PNPLA8: variants seen among roughly 807,000 people sequenced by gnomAD.
PNPLA8 encodes patatin like domain 8, phospholipase A2, also known as calcium-independent phospholipase A2-gamma.
In PNPLA8, 39 loss-of-function variants were observed where a neutral mutation model predicts 76.9. The observed-to-expected ratio is 0.51, with a 90% CI of 0.39 to 0.66. PNPLA8 has a LOEUF of 0.66. PNPLA8 is among the 30% of genes least tolerant of loss of function. The probability of loss-of-function intolerance (pLI) is 0.00; values close to 1 mark genes in which losing one functional copy is unlikely to be tolerated. For missense variants in PNPLA8, 887 were observed against 918.0 expected (o/e 0.97, Z 0.44); for synonymous variants, 301 against 307.9 (o/e 0.98, Z 0.24).
chr7:108,502,568 A>C lies in PNPLA8; in HGVS notation c.1281T>G (p.Ile427Met). Residue 427 changes from isoleucine (I) to methionine (M), a missense_variant, in exon 5 of 11, where the codon ATT becomes ATG. Ile to Met is a conservative substitution (Grantham distance 10). Transcript: ENST00000257694. ...GATCCACATAGCCAATTAGGGCCAAAATTTCTCTAACTGCAGCCTGAAGAG... is the reference window on the plus strand; with the variant it reads ...GATCCACATAGCCAATTAGGGCCAACATTTCTCTAACTGCAGCCTGAAGAG... ...DETLQAAVRE[I>M]LALIGYVDPV... is the part of the protein sequence containing the mutation. 6.2e-7 allele frequency: 1 copy of C among 1,612,930 alleles called. No individual in the cohort carries two copies. Among genetic ancestry groups the C allele is most frequent in the Non-Finnish European group, 8.5e-7 (1 of 1,179,058 alleles).
At chr7:108,495,649 C>A (rs1423708717) in intron 7 of PNPLA8, among the ~76,000 whole-genome samples, 1 of 152,010 alleles carries the variant, frequency 6.6e-6, no homozygotes, top group Non-Finnish European at 1.5e-5. Flanking sequence ...TATATAGTGA[C>A]CTACTAATAT....
chr7:108,518,815 T>G (rs1332764042), intron 2 of PNPLA8, among the ~76,000 whole-genome samples: 1 of 147,878 alleles, frequency 6.8e-6, no homozygotes, highest in Non-Finnish European at 1.5e-5. Flanking sequence ...ACATATGCAG[T>G]TGAAATCTTA....
At chr7:108,506,944 T>C (rs1343602258) in intron 4 of PNPLA8, among the ~76,000 whole-genome samples, 4 of 152,146 alleles carry the variant, frequency 2.6e-5, no homozygotes, top group Admixed American at 6.5e-5. Context: ...TCTCTATATA[T>C]AATATTTTTA....
At position 108,514,864 on chromosome 7, in the gene PNPLA8, G is replaced by T; in HGVS notation, c.628C>A (p.His210Asn). The change falls in exon 3 of 11, where the codon CAT becomes AAT. Residue 210 changes from histidine (H) to asparagine (N), a missense_variant. By Grantham distance (68) the His-to-Asn change is moderately conservative. Transcript: ENST00000257694. ...TTACGTTTGAAATATGAATTAATAT[G>T]ATTTGATAAAAAGTAGAATGAGTCT... is the stretch of plus-strand genomic sequence containing the variant. Reference protein sequence around the residue: ...FGDSFYFLSNHINSYFKRKEK... With the variant: ...FGDSFYFLSNNINSYFKRKEK... 1 of 1,609,092 alleles carries T rather than the reference G, an allele frequency of 6.2e-7. No individual in the cohort carries two copies. The highest frequency in any genetic ancestry group is 8.5e-7 in the Non-Finnish European group (1 of 1,176,516).
chr7:108,506,382 A>C (rs1255531681), intron 4 of PNPLA8, among the ~76,000 whole-genome samples: 1 of 152,128 alleles, frequency 6.6e-6, no homozygotes, highest in Non-Finnish European at 1.5e-5. Context: ...AGTCTCAAAA[A>C]AAAAATTACA....
At chr7:108,497,977 A>C (rs1861665069) in intron 5 of PNPLA8, among the ~76,000 whole-genome samples, 1 of 149,692 alleles carries the variant, frequency 6.7e-6, no homozygotes, top group South Asian at 2.1e-4. Flanking sequence ...CAGCTGAACA[A>C]TATAGCGAGA....
chr7:108,516,717 A>G (rs530793696), intron 2 of PNPLA8, among the ~76,000 whole-genome samples: 14 of 152,192 alleles, frequency 9.2e-5, no homozygotes, highest in Non-Finnish European at 2.1e-4. Flanking sequence ...CCTGGTCGGC[A>G]TGGTGAAACC....
rs140428848 is a variant in PNPLA8 at position 108,495,899 on chromosome 7, C to T, written c.1625+685G>A. The stretch of plus-strand genomic sequence containing the variant: ...CAACTACAATCTAATATCAGCTATA[C>T]AAAATGTATAAGGTCTAATAAACTA... On this transcript the variant is annotated intron_variant, in intron 7 of 10. Coordinates refer to ENST00000257694, the MANE Select transcript of PNPLA8 (RefSeq NM_001256007.3). 6.8e-4 allele frequency among the ~76,000 whole-genome samples: 103 copies of T among 152,206 alleles called. 2 individuals are homozygous for T. Among genetic ancestry groups the T allele is most frequent in the African/African-American group, 2.3e-3 (97 of 41,544 alleles).
intron 1 of PNPLA8, among the ~76,000 whole-genome samples, chr7:108,523,261 T>C (rs1045973574): frequency 3.3e-5 from 5 of 152,138 alleles, no homozygotes; most frequent in African/African-American, 9.7e-5. Context: ...ACTTAATTAT[T>C]AATATAACAG....
At chr7:108,487,627 T>A (rs778848075) in intron 9 of PNPLA8, 132 bp downstream of exon 9, 32 of 484,578 alleles carry the variant, frequency 6.6e-5, no homozygotes, top group Non-Finnish European at 1.1e-4. Context: ...AAATTGTTCT[T>A]CTTTTGAGAT....
intron 9 of PNPLA8, among the ~76,000 whole-genome samples, chr7:108,480,157 G>C (rs866057496): frequency 1.3e-5 from 2 of 152,012 alleles, no homozygotes; most frequent in African/African-American, 4.8e-5. Flanking sequence ...GCTTGAGTCC[G>C]AGAGTTCAAG....
intron 4 of PNPLA8, 59 bp from the exon 5 acceptor site, chr7:108,502,701 A>G: frequency 7.8e-7 from 1 of 1,284,138 alleles, no homozygotes; most frequent in Non-Finnish European, 1.1e-6. Context: ...AAAATGTATG[A>G]TTATTATTAA....
At chr7:108,475,182 G>T (rs1217569416) in intron 10 of PNPLA8, among the ~76,000 whole-genome samples, 1 of 152,128 alleles carries the variant, frequency 6.6e-6, no homozygotes, top group Non-Finnish European at 1.5e-5. Flanking sequence ...AGACCATCTA[G>T]TTGGAGGAAA....
intron 1 of PNPLA8, among the ~76,000 whole-genome samples, chr7:108,522,191 G>A (rs977572244): frequency 6.6e-6 from 1 of 151,842 alleles, no homozygotes. Flanking sequence ...CTATTCGGGA[G>A]GCTGAGGCAG....
At chr7:108,507,145 C>T (rs533739298) in intron 4 of PNPLA8, among the ~76,000 whole-genome samples, 1 of 151,884 alleles carries the variant, frequency 6.6e-6, no homozygotes, top group South Asian at 2.1e-4. Flanking sequence ...GAGATCGAGA[C>T]CATCCTGGCC....
chr7:108,513,294 TC>T, intron 4 of PNPLA8, among the ~76,000 whole-genome samples: 1 of 152,002 alleles, frequency 6.6e-6, no homozygotes, highest in Non-Finnish European at 1.5e-5. Context: ...TAAAATATAA[TC>T]CCAAATTATA....
intron 9 of PNPLA8, among the ~76,000 whole-genome samples, chr7:108,485,775 T>C (rs537928461): frequency 6.6e-6 from 1 of 152,186 alleles, no homozygotes; most frequent in South Asian, 2.1e-4. Context: ...TGGAAGAGAA[T>C]ACAGAGTAAG....
At chr7:108,504,864 G>A (rs182947310) in intron 4 of PNPLA8, among the ~76,000 whole-genome samples, 2 of 151,772 alleles carry the variant, frequency 1.3e-5, no homozygotes, top group Non-Finnish European at 2.9e-5. Context: ...ATCACCTGAG[G>A]TTGGGAGTTC....
intron 7 of PNPLA8, among the ~76,000 whole-genome samples, chr7:108,494,270 A>T (rs1263749915): frequency 1.3e-5 from 2 of 152,128 alleles, no homozygotes; most frequent in Non-Finnish European, 2.9e-5. Context: ...ACATGGGTAA[A>T]CTGTGTGACA....
Sources: allele counts gnomAD v4.1 joint callset (sites outside exome capture counted in the v4.1 genomes callset), GRCh38; gene constraint gnomAD v4.1.1; transcripts MANE v1.5; gene names NCBI Gene and HGNC (gene_info 2026-07-23, HGNC 2026-07-21).